The following CARD14 variants were observed in gnomAD, a reference collection of about 807,000 sequenced individuals.
CARD14 encodes caspase recruitment domain family member 14.
Under a neutral mutation model 111.5 loss-of-function variants are expected in CARD14, and 107 were observed. The observed-to-expected ratio is 0.96, with a 90% confidence interval of 0.82 to 1.13. CARD14 has a LOEUF of 1.13. CARD14 is among the 50% of genes most tolerant of loss of function. The pLI is 0.00. For synonymous variants in CARD14, 617 were observed against 579.6 expected, an observed-to-expected ratio of 1.06 and a Z score of -0.93; for missense variants, 1,322 against 1,362.3, an observed-to-expected ratio of 0.97 and a Z score of 0.47.
intron 18 of CARD14, chr17:80,202,794 A>T (rs1278037275): frequency 3.8e-6 from 1 of 262,536 alleles, no homozygotes; most frequent in African/African-American, 2.2e-5. Context: ...CCCATGCCCC[A>T]GCTGTGACAA....
intron 2 of CARD14, among the ~76,000 whole-genome samples, chr17:80,176,255 C>T (rs537376763): frequency 6.1e-4 from 92 of 150,410 alleles, no homozygotes; most frequent in African/African-American, 2.2e-3. Context: ...CATAGTGAGA[C>T]CCCCTTCTTT....
intron 23 of CARD14, 91 bp from the exon 24 acceptor site, chr17:80,208,047 G>C: frequency 2.1e-6 from 2 of 961,574 alleles, no homozygotes; most frequent in Non-Finnish European, 3.0e-6. Context: ...GTGTTTAGGG[G>C]TGTTTGGGTG....
Position 80,198,635 on chromosome 17 carries a change from G to A in CARD14, c.1851+44G>A, listed in dbSNP as rs749247674. On this transcript the variant is annotated intron_variant, in intron 16 of 23. Transcript: ENST00000648509. This position sits in a 1 kb window ranked among gnomAD's most constrained non-coding sequence, Gnocchi z 7.5. ...CTCCTGTCCCCCGGGCTCCTCATGG[G>A]GACAGTGGCAGCGGGTGGGGTGACC... is the stretch of plus-strand genomic sequence containing the variant. 8.7e-6 allele frequency: 14 copies of A among 1,609,960 alleles called. No homozygotes were observed. In the African/African-American group the frequency reaches 1.7e-4, roughly 20 times the overall value.
At chr17:80,197,929 G>A (rs1289689185) in intron 14 of CARD14, among the ~76,000 whole-genome samples, 170 bp from the exon 15 acceptor site, 3 of 152,224 alleles carry the variant, frequency 2.0e-5, no homozygotes, top group African/African-American at 7.2e-5. Flanking sequence ...ACAGGCAGTG[G>A]GGCCTGAGGC....
chr17:80,172,437 A>C (rs1386019918), intron 1 of CARD14, among the ~76,000 whole-genome samples: 1 of 152,184 alleles, frequency 6.6e-6, no homozygotes, highest in Non-Finnish European at 1.5e-5. Flanking sequence ...ATCCTAGACC[A>C]GCCAAGACTT....
chr17:80,198,264 C>G lies in CARD14; in HGVS notation c.1658+102C>G. 1 of 1,570,192 alleles carries G rather than the reference C, an allele frequency of 6.4e-7. No homozygotes were observed. The highest frequency in any genetic ancestry group is 8.7e-7 in the Non-Finnish European group (1 of 1,144,860). On this transcript the variant is annotated intron_variant, in intron 15 of 23. Transcript: ENST00000648509. The surrounding 1 kb of genome is among the most constrained non-coding windows in gnomAD (Gnocchi z 7.5). ...CCTATTACCAATGGGAGGCAACAGC[C>G]TTTCCAAGCACATGGGGCCATGGAG... is the stretch of plus-strand genomic sequence containing the variant.
chr17:80,184,055 G>T lies in CARD14; in HGVS notation c.492G>T (p.Glu164Asp). 1 of 1,586,232 alleles carries T rather than the reference G, an allele frequency of 6.3e-7. No individual in the cohort carries two copies. The highest frequency in any genetic ancestry group is 8.6e-7 in the Non-Finnish European group (1 of 1,166,822). ...QQLQEHLGLAETRAEGLHQLE... is the reference protein window; with the variant it reads ...QQLQEHLGLADTRAEGLHQLE... ...TGCAGGAGCACCTGGGCCTGGCCGA[G>T]ACCCGTGCCGAGGGCCTGCACCAGC... The change falls in exon 7 of 24, where the codon GAG (glutamate) becomes GAT (aspartate). Residue 164 changes from glutamate to aspartate, a missense_variant. Transcript: ENST00000648509.
Position 80,208,356 on chromosome 17 carries a change from C to T in CARD14, c.*11C>T. ...CAGAGCCCCCGATGATGCACCGTGC[C>T]CCTTCCCGGGACTGTGGGGGCTTCT... On this transcript the variant is annotated 3_prime_UTR_variant, in exon 24 of 24. Coordinates refer to ENST00000648509, the MANE Select transcript of CARD14 (RefSeq NM_001366385.1). 1 of 1,579,414 alleles carries T rather than the reference C, an allele frequency of 6.3e-7. No individual in the cohort carries two copies.
chr17:80,187,177 G>A (rs759549198), intron 7 of CARD14, among the ~76,000 whole-genome samples: 19 of 152,206 alleles, frequency 1.2e-4, no homozygotes, highest in African/African-American at 2.7e-4. Flanking sequence ...TGCTCCCAGC[G>A]TCACCAGCAC....
chr17:80,193,232 C>T (rs1186449147), intron 12 of CARD14, among the ~76,000 whole-genome samples: 1 of 152,060 alleles, frequency 6.6e-6, no homozygotes, highest in Admixed American at 6.5e-5. Flanking sequence ...CACAGACAGT[C>T]CCCAGACATG....
intron 4 of CARD14, 102 bp from the exon 5 acceptor site, chr17:80,181,317 C>A: frequency 1.2e-6 from 1 of 862,186 alleles, no homozygotes; most frequent in Non-Finnish European, 1.8e-6. Flanking sequence ...AAGAGTGCGC[C>A]TTGCTAATTT....
In CARD14 at chr17:80,190,964, G is replaced by A. The variant is rs140317295; in HGVS notation, c.1089+65G>A. ...GCTTCCCCAGGTGAGGGCTGGTTCC[G>A]GGGACAGTCTCGTGGCTCCCTGCCC... On this transcript the variant is annotated intron_variant, in intron 10 of 23. Transcript: ENST00000648509. 1,561 of 1,575,434 alleles carry A rather than the reference G, an allele frequency of 9.9e-4. 18 individuals are homozygous for A. The African/African-American group carries it at 0.016, about 16-fold the overall frequency.
chr17:80,202,385 T>G lies in CARD14; in HGVS notation c.2184T>G (p.Asp728Glu). The G allele has an allele frequency of 6.2e-7, 1 of 1,613,100 alleles. No individual in the cohort carries two copies. Among genetic ancestry groups the G allele is most frequent in the Admixed American group, 1.7e-5 (1 of 60,012 alleles). Residue 728 changes from aspartate to glutamate, a missense_variant, in exon 18 of 24, where the codon GAT becomes GAG. By Grantham distance (45) the Asp-to-Glu change is conservative (BLOSUM62 2). Coordinates refer to ENST00000648509, the MANE Select transcript of CARD14 (RefSeq NM_001366385.1). ...AHRVNSYTMK[D>E]TAAHGTIPNY... Reference sequence around the variant, plus strand: ...GCGTGAACTCTTACACCATGAAGGATACTGCCGCGCACGGCACCATCCCCA... The same window carrying G: ...GCGTGAACTCTTACACCATGAAGGAGACTGCCGCGCACGGCACCATCCCCA...
At chr17:80,192,189 C>T (rs1472851372) in intron 11 of CARD14, 4 of 191,498 alleles carry the variant, frequency 2.1e-5, no homozygotes, top group Non-Finnish European at 4.2e-5. Flanking sequence ...GTTCTACTTG[C>T]CTTCCTCCAA....
rs2040206973 is a variant in CARD14, at chr17:80,182,552, G to T, written c.212-101G>T. ...CTCCCGATTCTTACATGTGCGGGGG[G>T]TTTCCCAGCCCCAGGCCTCTCCCCC... is the stretch of plus-strand genomic sequence containing the variant. On this transcript the variant is annotated intron_variant, in intron 5 of 23. Transcript: ENST00000648509. This position sits in a 1 kb window ranked among gnomAD's most constrained non-coding sequence, Gnocchi z 4.7. 6 of 1,418,364 alleles carry T rather than the reference G, an allele frequency of 4.2e-6. No homozygotes were observed. The highest frequency in any genetic ancestry group is 2.9e-5 in the African/African-American group (2 of 69,878). The allele number at this position is 1,418,364 out of a possible 1,614,324, so 87.9% of individuals were successfully genotyped here.
chr17:80,204,011 T>C (rs1016000839), intron 19 of CARD14, 126 bp downstream of exon 19: 1 of 849,430 alleles, frequency 1.2e-6, no homozygotes, highest in Non-Finnish European at 1.8e-6. Context: ...CCCACCTGTC[T>C]CTCCTCTGCA....
chr17:80,180,345 C>T (rs942555813), intron 4 of CARD14, among the ~76,000 whole-genome samples: 6 of 152,218 alleles, frequency 3.9e-5, no homozygotes, highest in Non-Finnish European at 5.9e-5. Flanking sequence ...TCAGCCCTTT[C>T]GGGGACCTGT....
At position 80,208,439 on chromosome 17, in the gene CARD14, G is replaced by C; in HGVS notation, c.*94G>C. ...CCAGGCCCTCTTGGCACAGCTGTGG[G>C]CTCCTTGGCACATGAGGCCGGCTCT... On this transcript the variant is annotated 3_prime_UTR_variant, in exon 24 of 24. Coordinates refer to ENST00000648509, the MANE Select transcript of CARD14 (RefSeq NM_001366385.1). 1 of 1,202,084 alleles carries C rather than the reference G, an allele frequency of 8.3e-7. No homozygotes were observed. The highest frequency in any genetic ancestry group is 1.1e-6 in the Non-Finnish European group (1 of 879,750). 74.5% of individuals were successfully genotyped at this position (1,202,084 alleles called of 1,614,324 possible).
chr17:80,181,414 C>G lies in CARD14; in HGVS notation c.-20-5C>G, dbSNP rs1481761628. ...CAACTCCACCCCCATGGCCACCCCTCCTAGGGTCCTCCCAGCGCCCAGCCA... is the reference window on the plus strand; with the variant it reads ...CAACTCCACCCCCATGGCCACCCCTGCTAGGGTCCTCCCAGCGCCCAGCCA... On this transcript the variant is annotated splice_region_variant and splice_polypyrimidine_tract_variant and intron_variant, in intron 4 of 23. Coordinates refer to ENST00000648509, the MANE Select transcript of CARD14 (RefSeq NM_001366385.1). 1.3e-6 allele frequency: 2 copies of G among 1,552,196 alleles called. No homozygotes were observed. The highest frequency in any genetic ancestry group is 2.7e-5 in the African/African-American group (2 of 73,126).
Sources: gnomAD v4.1 joint callset for allele counts (sites outside exome capture counted in the v4.1 genomes callset) on GRCh38, gnomAD v4.1.1 for gene constraint, Gnocchi (gnomAD v3.1) non-coding constraint, MANE v1.5 for transcripts, NCBI Gene and HGNC (gene_info 2026-07-23, HGNC 2026-07-21) for gene names.